Variants in PCCB observed in about 807,000 individuals in gnomAD.
The protein encoded by PCCB is propionyl-CoA carboxylase beta chain, mitochondrial.
A neutral mutation model predicts 60.7 loss-of-function variants in PCCB; 43 were observed. The observed-to-expected ratio is 0.71, with a 90% CI of 0.55 to 0.91. PCCB has a LOEUF of 0.91. Ranked by LOEUF, PCCB falls within the 40% of genes least tolerant of loss-of-function variation. PCCB has a pLI of 0.00. For synonymous variants in PCCB, 276 were observed against 255.9 expected (o/e 1.08, Z -0.75); for missense variants, 766 against 702.8 (o/e 1.09, Z -1.02).
At chr3:136,273,578 CTTTTTTTTTTTCTTTTTTCTTTTTTT>C (rs1297925938) in intron 5 of PCCB, among the ~76,000 whole-genome samples, 1,508 of 59,202 alleles carry the variant, frequency 0.025, 21 homozygotes, top group African/African-American at 0.082. Flanking sequence ...CTTTTTCTTT[CTTTTTTTTTTTCTTTTTTCTTTTTTT>C]TTTTTTTTTT....
chr3:136,300,975 A>G, intron 8 of PCCB, 55 bp from the exon 9 acceptor site: 7 of 1,358,782 alleles, frequency 5.2e-6, no homozygotes, highest in South Asian at 1.2e-5. Context: ...CCATTCCCAC[A>G]AAAGGTAACT....
At chr3:136,304,553 G>GT (rs1934394062) in intron 9 of PCCB, among the ~76,000 whole-genome samples, 1 of 116,780 alleles carries the variant, frequency 8.6e-6, no homozygotes, top group African/African-American at 2.6e-5. Flanking sequence ...GGCTAATTTT[G>GT]TTTTTGTATT....
intron 4 of PCCB, 37 bp downstream of exon 4, chr3:136,260,572 C>T: frequency 6.6e-7 from 1 of 1,526,290 alleles, no homozygotes; most frequent in Non-Finnish European, 9.1e-7. Context: ...CCATTGCTTT[C>T]CTCAGTTACA....
At chr3:136,307,882 G>A (rs960209089) in intron 9 of PCCB, among the ~76,000 whole-genome samples, 9 of 152,078 alleles carry the variant, frequency 5.9e-5, no homozygotes, top group Non-Finnish European at 1.0e-4. Context: ...GGCTGAGGCA[G>A]GAGAATCGCT....
At chr3:136,252,226 C>T (rs1941536452) in intron 1 of PCCB, 1 of 453,544 alleles carries the variant, frequency 2.2e-6, no homozygotes. Flanking sequence ...CGTAGATTTT[C>T]CCAGAAGAGG....
At chr3:136,264,667 A>G (rs972852927) in intron 5 of PCCB, among the ~76,000 whole-genome samples, 3 of 145,658 alleles carry the variant, frequency 2.1e-5, no homozygotes, top group Non-Finnish European at 1.5e-5. Flanking sequence ...AGGTCAGGAG[A>G]TCAAGACCGT....
intron 9 of PCCB, among the ~76,000 whole-genome samples, chr3:136,313,728 A>G (rs1382128871): frequency 6.6e-6 from 1 of 152,224 alleles, no homozygotes; most frequent in Non-Finnish European, 1.5e-5. Context: ...TTGAACCTAT[A>G]TTTTGACTAT....
intron 6 of PCCB, among the ~76,000 whole-genome samples, chr3:136,292,250 T>TA (rs1933728026): frequency 6.6e-6 from 1 of 151,778 alleles, no homozygotes; most frequent in African/African-American, 2.4e-5. Context: ...TTTTTTTTTT[T>TA]AACAGTTTCA....
chr3:136,314,105 GAA>G (rs1315611452), intron 9 of PCCB, among the ~76,000 whole-genome samples: 1 of 152,076 alleles, frequency 6.6e-6, no homozygotes, highest in African/African-American at 2.4e-5. Context: ...GCTGGGGCAG[GAA>G]AGAAACCAAG....
intron 5 of PCCB, among the ~76,000 whole-genome samples, chr3:136,265,195 A>C (rs1238300772): frequency 1.3e-5 from 2 of 152,252 alleles, no homozygotes; most frequent in Non-Finnish European, 2.9e-5. Flanking sequence ...TCCATCTCAA[A>C]AAAGAAAAGT....
rs1942035559 is a variant in PCCB at position 136,267,476 on chromosome 3, C to A, written c.543+5411C>A. Among the ~76,000 whole-genome samples, 4 of 152,226 alleles carry A rather than the reference C, an allele frequency of 2.6e-5. No individual in the cohort carries two copies. In the South Asian group the frequency reaches 8.3e-4, roughly 32 times the overall value. ...GAAGTGCAGGGATTACAAGCCACTG[C>A]CCCAAGCCTGTGGTGGCTTTTTTTT... On this transcript the variant is annotated intron_variant, in intron 5 of 14. Coordinates refer to ENST00000251654, the MANE Select transcript of PCCB (RefSeq NM_000532.5).
chr3:136,301,147 T>G, intron 9 of PCCB, 36 bp downstream of exon 9: 2 of 1,516,412 alleles, frequency 1.3e-6, no homozygotes, highest in Non-Finnish European at 1.8e-6. Flanking sequence ...CCTGTCCTAG[T>G]CAGCCACATT....
chr3:136,329,935 C>G lies in PCCB; in HGVS notation c.1529C>G (p.Ser510Cys), dbSNP rs753233860. Reference protein sequence around the residue: ...GFVDDIIQPSSTRARICCDLD... With the variant: ...GFVDDIIQPSCTRARICCDLD... ...GTGGATGACATCATCCAACCTTCTT[C>G]CACACGTGCCCGAATCTGCTGTGAC... Residue 510 changes from serine (S) to cysteine (C), a missense_variant, in exon 15 of 15, where the codon TCC (serine) becomes TGC (cysteine). Ser to Cys is a moderately radical substitution (Grantham distance 112). Coordinates refer to ENST00000251654, the MANE Select transcript of PCCB (RefSeq NM_000532.5). The G allele has an allele frequency of 1.9e-6, 3 of 1,614,050 alleles. No homozygotes were observed. Among genetic ancestry groups the G allele is most frequent in the African/African-American group, 1.3e-5 (1 of 74,936 alleles).
chr3:136,284,825 C>T (rs943636141), intron 6 of PCCB, among the ~76,000 whole-genome samples: 1 of 152,122 alleles, frequency 6.6e-6, no homozygotes, highest in Non-Finnish European at 1.5e-5. Context: ...CAGTGTCTCA[C>T]GCCTGTAATC....
At chr3:136,321,641 C>A (rs969556277) in intron 10 of PCCB, among the ~76,000 whole-genome samples, 4 of 152,298 alleles carry the variant, frequency 2.6e-5, no homozygotes, top group African/African-American at 9.6e-5. Flanking sequence ...ACCTCCCTCC[C>A]TTGACACATG....
At chr3:136,256,222 C>T (rs754026178) in intron 2 of PCCB, 5 of 574,596 alleles carry the variant, frequency 8.7e-6, no homozygotes, top group African/African-American at 1.9e-5. Flanking sequence ...GGACTACAGG[C>T]GTGAGCGACC....
At chr3:136,316,356 C>G (rs1426415603) in intron 9 of PCCB, among the ~76,000 whole-genome samples, 1 of 152,004 alleles carries the variant, frequency 6.6e-6, no homozygotes, top group Non-Finnish European at 1.5e-5. Context: ...CCCTCCGTTG[C>G]CCAGGCTAGA....
chr3:136,327,631 T>A lies in PCCB; in HGVS notation c.1300-3T>A. 6.2e-7 allele frequency: 1 copy of A among 1,608,996 alleles called. No individual in the cohort carries two copies. On this transcript the variant is annotated splice_polypyrimidine_tract_variant and splice_region_variant and intron_variant, in intron 12 of 14. Transcript: ENST00000251654. ...TAACACTCAGCATTTGGATCTGTTT[T>A]AGGCCTATGGAGGTGCCTATGATGT...
rs146095067 is a variant in PCCB at position 136,313,760 on chromosome 3, A to G, written c.967-3181A>G. On this transcript the variant is annotated intron_variant, in intron 9 of 14. Transcript: ENST00000251654. ...CTATATACCTTTAATCTAAAGACCA[A>G]AATAGCTGTAAAAAAATTCTAGCTA... Among the ~76,000 whole-genome samples the G allele has an allele frequency of 1.2e-3, 188 of 152,328 alleles. 1 individual carries two copies. The highest frequency in any genetic ancestry group is 4.2e-3 in the African/African-American group (173 of 41,568).
Sources: gnomAD v4.1 joint callset for allele counts (sites outside exome capture counted in the v4.1 genomes callset) on GRCh38, gnomAD v4.1.1 for gene constraint, MANE v1.5 for transcripts, NCBI Gene and HGNC (gene_info 2026-07-23, HGNC 2026-07-21) for gene names.